The following DMD variants were observed in gnomAD, a reference collection of about 807,000 sequenced individuals.
DMD encodes the protein mutant dystrophin.
In DMD, 63 loss-of-function variants were observed where a neutral mutation model predicts 330.1. The observed-to-expected ratio is 0.19, with a 90% CI of 0.16 to 0.24. The LOEUF is 0.24. DMD is among the 10% of genes least tolerant of loss of function. The pLI is 1.00. For missense variants in DMD, 3,344 were observed against 2,684.1 expected, an observed-to-expected ratio of 1.25 and a Z score of -5.43; for synonymous variants, 1,223 against 959.8, an observed-to-expected ratio of 1.27 and a Z score of -5.07.
At chrX:32,797,112 C>G (rs2148665046) in intron 7 of DMD, among the ~76,000 whole-genome samples, 1 of 111,368 alleles carries the variant, frequency 9.0e-6, no homozygotes, top group East Asian at 2.8e-4. Flanking sequence ...TCTGTGATGT[C>G]TTTTTTTGTT....
At chrX:32,424,061 T>A (rs1022505204) in intron 29 of DMD, among the ~76,000 whole-genome samples, 3 of 111,151 alleles carry the variant, frequency 2.7e-5, no homozygotes, top group African/African-American at 9.8e-5. Context: ...ACAAGTGGGT[T>A]TCTTCCCCTC....
At chrX:32,468,010 T>A (rs1430170098) in intron 23 of DMD, among the ~76,000 whole-genome samples, 1 of 110,175 alleles carries the variant, frequency 9.1e-6, no homozygotes, top group Admixed American at 9.9e-5. Context: ...ATAGCACATA[T>A]AGACAGCATA....
chrX:32,194,312 A>G (rs746195108), intron 44 of DMD, among the ~76,000 whole-genome samples: 1 of 111,994 alleles, frequency 8.9e-6, no homozygotes, highest in East Asian at 2.8e-4. Context: ...AATAGACAAC[A>G]TTTCCATTAC....
intron 12 of DMD, among the ~76,000 whole-genome samples, chrX:32,613,796 T>TA (rs1231348371): frequency 2.7e-5 from 3 of 111,612 alleles, no homozygotes; most frequent in Non-Finnish European, 5.7e-5. Context: ...CTGTATTTTT[T>TA]AAAAAAACAA....
At chrX:32,570,771 A>T (rs187621548) in intron 15 of DMD, among the ~76,000 whole-genome samples, 2 of 111,754 alleles carry the variant, frequency 1.8e-5, no homozygotes, top group East Asian at 5.6e-4. Flanking sequence ...GTGTAATGAG[A>T]TTGAAGAAAC....
At chrX:31,251,443 AG>A (rs940638000) in intron 63 of DMD, among the ~76,000 whole-genome samples, 2 of 112,176 alleles carry the variant, frequency 1.8e-5, no homozygotes, top group Admixed American at 9.5e-5. Context: ...TCTATTTATG[AG>A]GGGGTGTAAT....
intron 55 of DMD, among the ~76,000 whole-genome samples, chrX:31,570,152 T>G (rs2075733233): frequency 9.0e-6 from 1 of 111,557 alleles, no homozygotes; most frequent in Non-Finnish European, 1.9e-5. Context: ...AGTTTCTTCT[T>G]GTTCTTCATG....
chrX:33,331,474 T>G (rs990318631), intron 1 of DMD, among the ~76,000 whole-genome samples: 1 of 112,110 alleles, frequency 8.9e-6, no homozygotes, highest in Non-Finnish European at 1.9e-5. Flanking sequence ...AAACAGACTA[T>G]GATGGTCCTT....
intron 1 of DMD, among the ~76,000 whole-genome samples, chrX:33,028,464 T>A (rs1406546165): frequency 8.9e-6 from 1 of 112,214 alleles, no homozygotes. Context: ...AGTGTACTCC[T>A]CTAAACATAT....
intron 41 of DMD, among the ~76,000 whole-genome samples, chrX:32,325,255 T>C (rs2097645257): frequency 1.8e-5 from 2 of 110,896 alleles, no homozygotes; most frequent in African/African-American, 3.3e-5. Context: ...AATGAAGAAA[T>C]GAAGAGTAGT....
rs186793722 is a variant in DMD, at chrX:32,956,469, A to G, written c.93+63670T>C. Among the ~76,000 whole-genome samples, 14 of 111,266 alleles carry G rather than the reference A, an allele frequency of 1.3e-4. No individual in the cohort carries two copies. In the East Asian group the frequency reaches 3.4e-3, roughly 27 times the overall value. On this transcript the variant is annotated intron_variant, in intron 2 of 78. Coordinates refer to ENST00000357033, the MANE Select transcript of DMD (RefSeq NM_004006.3). Reference sequence around the variant, plus strand: ...TGCATTACTGATTTCTCCCTGTTGCACTGCATGCAACAGATGCAATGGAAC... The same window carrying G: ...TGCATTACTGATTTCTCCCTGTTGCGCTGCATGCAACAGATGCAATGGAAC...
intron 4 of DMD, among the ~76,000 whole-genome samples, chrX:32,840,867 A>G (rs1268673419): frequency 2.7e-5 from 3 of 111,970 alleles, no homozygotes; most frequent in African/African-American, 3.2e-5. Context: ...TCTCACATAT[A>G]TATGTGTTTT....
At chrX:32,606,137 A>C (rs1055908340) in intron 12 of DMD, among the ~76,000 whole-genome samples, 1 of 110,246 alleles carries the variant, frequency 9.1e-6, no homozygotes, top group Non-Finnish European at 1.9e-5. Context: ...ATTCTTTCTA[A>C]CTGTAATTTT....
At chrX:31,842,703 G>A (rs1329908163) in intron 48 of DMD, among the ~76,000 whole-genome samples, 1 of 111,967 alleles carries the variant, frequency 8.9e-6, no homozygotes, top group African/African-American at 3.2e-5. Flanking sequence ...TAGCAACAAA[G>A]TATTTTTTTA....
intron 44 of DMD, among the ~76,000 whole-genome samples, chrX:32,163,663 G>T (rs1298818411): frequency 8.9e-6 from 1 of 111,894 alleles, no homozygotes; most frequent in East Asian, 2.8e-4. Flanking sequence ...AAGCTGGTGA[G>T]ATCTGAATAA....
At chrX:33,064,125 A>G (rs1057186252) in intron 1 of DMD, among the ~76,000 whole-genome samples, 11 of 111,065 alleles carry the variant, frequency 9.9e-5, no homozygotes, top group African/African-American at 3.6e-4. Flanking sequence ...TCATTTTGAT[A>G]GGGCACAGTA....
intron 2 of DMD, among the ~76,000 whole-genome samples, chrX:32,870,712 G>C (rs1018125959): frequency 9.1e-6 from 1 of 110,477 alleles, no homozygotes; most frequent in Non-Finnish European, 1.9e-5. Flanking sequence ...TGGGAAGACT[G>C]GCTAGCCATA....
rs1161027134 is a variant in DMD at position 31,646,266 on chromosome X, T to TGTGG, written c.8027+11723_8027+11724insCCAC. Among the ~76,000 whole-genome samples the TGTGG allele has an allele frequency of 2.1e-4, 23 of 110,808 alleles. No individual in the cohort carries two copies. In the East Asian group the frequency reaches 6.3e-3, roughly 30 times the overall value. The stretch of plus-strand genomic sequence containing the variant: ...GTGTGTTGTGTGTTGTGTGTGTGTG[T>TGTGG]GTGTGTGTGTGTGTGTAAAGAGAGA... On this transcript the variant is annotated intron_variant, in intron 54 of 78. Coordinates refer to ENST00000357033, the MANE Select transcript of DMD (RefSeq NM_004006.3).
At chrX:31,182,932 A>T in intron 67 of DMD, 28 bp from the exon 68 acceptor site, 1 of 1,175,252 alleles carries the variant, frequency 8.5e-7, no homozygotes, top group Admixed American at 2.3e-5. Flanking sequence ...AGAGAGAAGG[A>T]GGGCAAAAGG....
Sources: allele counts gnomAD v4.1 joint callset (sites outside exome capture counted in the v4.1 genomes callset), GRCh38; gene constraint gnomAD v4.1.1; transcripts MANE v1.5; gene names NCBI Gene and HGNC (gene_info 2026-07-23, HGNC 2026-07-21).